DCC: variants seen among roughly 807,000 people sequenced by gnomAD.
DCC encodes the protein netrin receptor DCC.
Under a neutral mutation model 172.5 loss-of-function variants are expected in DCC, and 58 were observed. The ratio of observed to expected loss-of-function variants is 0.34; its 90% CI spans 0.27 to 0.42. The LOEUF (loss-of-function observed/expected upper bound fraction) is 0.42, where lower values mean the gene tolerates loss of function less well. Ranked by LOEUF, DCC falls within the 10% of genes least tolerant of loss-of-function variation. DCC has a pLI of 1.00. For missense variants in DCC, 1,740 were observed against 1,791.0 expected (o/e 0.97, Z 0.51); for synonymous variants, 709 against 644.5 (o/e 1.10, Z -1.52).
At chr18:52,968,911 C>T in intron 5 of DCC, among the ~76,000 whole-genome samples, 1 of 151,686 alleles carries the variant, frequency 6.6e-6, no homozygotes, top group Non-Finnish European at 1.5e-5. Context: ...TGTATTTTTC[C>T]ACATTAAATC....
At chr18:53,020,467 G>A (rs1041900589) in intron 5 of DCC, among the ~76,000 whole-genome samples, 15 of 152,066 alleles carry the variant, frequency 9.9e-5, no homozygotes, top group South Asian at 8.3e-4. Flanking sequence ...TGAGTGTTTC[G>A]CTCAAAATTG....
chr18:52,619,284 G>A (rs1348649102), intron 1 of DCC, among the ~76,000 whole-genome samples: 1 of 152,118 alleles, frequency 6.6e-6, no homozygotes, highest in East Asian at 1.9e-4. Context: ...TTTTGTTTAG[G>A]AAAGATATCT....
intron 23 of DCC, 48 bp downstream of exon 23, chr18:53,450,710 G>T: frequency 6.7e-7 from 1 of 1,499,198 alleles, no homozygotes; most frequent in Non-Finnish European, 9.3e-7. Flanking sequence ...TGTCTTTTGG[G>T]GTTATATTTT....
chr18:52,786,210 A>G (rs9941424), intron 2 of DCC, among the ~76,000 whole-genome samples: 6,967 of 152,084 alleles, frequency 0.046, 238 homozygotes, highest in South Asian at 0.16. Context: ...TGGGCATCCT[A>G]TTTACTTTCA....
At chr18:52,974,838 G>C (rs2041091162) in intron 5 of DCC, among the ~76,000 whole-genome samples, 1 of 152,132 alleles carries the variant, frequency 6.6e-6, no homozygotes, top group African/African-American at 2.4e-5. Flanking sequence ...ACCTTTAAAA[G>C]GTATAATTGA....
intron 1 of DCC, among the ~76,000 whole-genome samples, chr18:52,462,330 A>C (rs1486937174): frequency 1.3e-5 from 2 of 152,106 alleles, no homozygotes; most frequent in Non-Finnish European, 2.9e-5. Context: ...CCTCAGTCAA[A>C]ATAAGCATCA....
At chr18:52,849,355 G>T (rs2038941304) in intron 2 of DCC, among the ~76,000 whole-genome samples, 1 of 152,108 alleles carries the variant, frequency 6.6e-6, no homozygotes, top group Admixed American at 6.5e-5. Flanking sequence ...AACAAAGACT[G>T]ATTCCCTGCC....
At chr18:52,974,895 A>G (rs1440313816) in intron 5 of DCC, among the ~76,000 whole-genome samples, 1 of 152,222 alleles carries the variant, frequency 6.6e-6, no homozygotes, top group East Asian at 1.9e-4. Context: ...GAGTTAGGTC[A>G]CATACAAAAC....
intron 9 of DCC, among the ~76,000 whole-genome samples, chr18:53,194,002 A>T (rs996210456): frequency 2.0e-5 from 3 of 152,188 alleles, no homozygotes; most frequent in Non-Finnish European, 2.9e-5. Flanking sequence ...AACTACAAAC[A>T]TCAGATATTG....
At chr18:52,889,920 TAAAAC>T (rs1416337097) in intron 2 of DCC, among the ~76,000 whole-genome samples, 2 of 152,124 alleles carry the variant, frequency 1.3e-5, no homozygotes, top group Non-Finnish European at 2.9e-5. Flanking sequence ...TGATCAGACT[TAAAAC>T]AAGGAGAGTG....
At chr18:52,798,630 T>C (rs142532938) in intron 2 of DCC, among the ~76,000 whole-genome samples, 1 of 152,230 alleles carries the variant, frequency 6.6e-6, no homozygotes, top group Non-Finnish European at 1.5e-5. Flanking sequence ...ACTGTGTCTG[T>C]GAGGCTAGTT....
intron 1 of DCC, among the ~76,000 whole-genome samples, chr18:52,532,560 A>G (rs932099973): frequency 6.6e-6 from 1 of 152,170 alleles, no homozygotes; most frequent in Non-Finnish European, 1.5e-5. Flanking sequence ...AGATGCTGCT[A>G]ATAGGGAGAC....
At chr18:52,879,321 A>G (rs2039445911) in intron 2 of DCC, among the ~76,000 whole-genome samples, 1 of 151,342 alleles carries the variant, frequency 6.6e-6, no homozygotes, top group Non-Finnish European at 1.5e-5. Context: ...TGTGCAGTTG[A>G]TCACACAAGT....
At chr18:53,502,746 A>AT (rs1362404599) in intron 27 of DCC, among the ~76,000 whole-genome samples, 1 of 152,168 alleles carries the variant, frequency 6.6e-6, no homozygotes, top group Non-Finnish European at 1.5e-5. Context: ...CATTGCTCTA[A>AT]TTTTTAAAAA....
chr18:52,858,284 T>G (rs966539136), intron 2 of DCC, among the ~76,000 whole-genome samples: 3 of 152,214 alleles, frequency 2.0e-5, no homozygotes, highest in African/African-American at 7.2e-5. Context: ...AAATCAGGAC[T>G]GTCAGCTCCC....
At chr18:52,905,947 T>C in intron 2 of DCC, 97 bp from the exon 3 acceptor site, 1 of 895,790 alleles carries the variant, frequency 1.1e-6, no homozygotes, top group East Asian at 2.6e-5. Flanking sequence ...GCTTGTAAAA[T>C]ATAATTTTCT....
At chr18:53,029,657 A>G (rs1400966324) in intron 5 of DCC, among the ~76,000 whole-genome samples, 1 of 152,072 alleles carries the variant, frequency 6.6e-6, no homozygotes. Flanking sequence ...TCAGAGGTGC[A>G]TCATATATCA....
intron 12 of DCC, among the ~76,000 whole-genome samples, chr18:53,225,215 A>G (rs1269845584): frequency 6.6e-6 from 1 of 152,196 alleles, no homozygotes; most frequent in Admixed American, 6.6e-5. Context: ...GGGATTAAGT[A>G]GAGTGACTAT....
intron 1 of DCC, among the ~76,000 whole-genome samples, chr18:52,674,396 T>G (rs2035612079): frequency 6.6e-6 from 1 of 152,160 alleles, no homozygotes; most frequent in Non-Finnish European, 1.5e-5. Context: ...TTCCATTTGC[T>G]TCTGTTGAAG....
Sources: allele counts gnomAD v4.1 joint callset (sites outside exome capture counted in the v4.1 genomes callset), GRCh38; gene constraint gnomAD v4.1.1; transcripts MANE v1.5; gene names NCBI Gene and HGNC (gene_info 2026-07-23, HGNC 2026-07-21).